Variants in DPH6 observed in about 807,000 individuals in gnomAD.
DPH6 encodes the protein diphthamine biosynthesis 6, also known as diphthine--ammonia ligase.
In DPH6, 33 loss-of-function variants were observed where a neutral mutation model predicts 38.2. That is an observed-to-expected ratio of 0.86 (90% CI 0.65 to 1.15). DPH6 has a LOEUF of 1.15. DPH6 is among the 50% of genes most tolerant of loss of function. The pLI, the probability that DPH6 is intolerant of heterozygous loss-of-function variation, is 0.00. For synonymous variants in DPH6, 108 were observed against 103.0 expected, an observed-to-expected ratio of 1.05 and a Z score of -0.30; for missense variants, 325 against 320.0, an observed-to-expected ratio of 1.02 and a Z score of -0.12.
At chr15:35,395,508 G>A (rs1328151296) in intron 6 of DPH6, among the ~76,000 whole-genome samples, 1 of 152,098 alleles carries the variant, frequency 6.6e-6, no homozygotes, top group Non-Finnish European at 1.5e-5. Context: ...TATTCTTACT[G>A]ATCTACCAAC....
intron 3 of DPH6, among the ~76,000 whole-genome samples, chr15:35,508,241 G>C (rs1222139225): frequency 6.6e-6 from 1 of 152,050 alleles, no homozygotes; most frequent in East Asian, 1.9e-4. Context: ...AAGGCCTTCA[G>C]AGCCTTCCTT....
chr15:35,392,541 C>T (rs1042064245), intron 6 of DPH6, among the ~76,000 whole-genome samples: 1 of 152,002 alleles, frequency 6.6e-6, no homozygotes, highest in Non-Finnish European at 1.5e-5. Context: ...ATTCATAACA[C>T]TTATTAAGGA....
intron 3 of DPH6, among the ~76,000 whole-genome samples, chr15:35,250,045 G>A (rs1421700629): frequency 6.6e-6 from 1 of 151,748 alleles, no homozygotes; most frequent in African/African-American, 2.4e-5. Flanking sequence ...CTACAGGGTG[G>A]TGGGCACCTG....
intron 3 of DPH6, among the ~76,000 whole-genome samples, chr15:35,476,728 G>A (rs1036353472): frequency 6.6e-6 from 1 of 151,684 alleles, no homozygotes; most frequent in Non-Finnish European, 1.5e-5. Context: ...TGATTAATTA[G>A]GTGCAAGACA....
chr15:35,149,512 C>T, the DPH6 span, among the ~76,000 whole-genome samples: 94,373 of 151,960 alleles, frequency 0.62, 29,684 homozygotes, highest in Middle Eastern at 0.7. Context: ...GCTGGGATTA[C>T]AGGCGTGAGC....
At chr15:35,366,719 A>T (rs1482604311), downstream of DPH6, among the ~76,000 whole-genome samples, 1 of 151,914 alleles carries the variant, frequency 6.6e-6, no homozygotes, top group Non-Finnish European at 1.5e-5. Context: ...ATCATAACTC[A>T]CACATCACCA....
intron 3 of DPH6, among the ~76,000 whole-genome samples, chr15:35,296,368 A>G (rs2052014794): frequency 6.6e-6 from 1 of 152,174 alleles, no homozygotes; most frequent in Non-Finnish European, 1.5e-5. Context: ...TTTAAAGCCT[A>G]CTTATTCTAG....
At chr15:35,165,083 T>C in the DPH6 span, among the ~76,000 whole-genome samples, 1 of 151,862 alleles carries the variant, frequency 6.6e-6, no homozygotes, top group Admixed American at 6.6e-5. Context: ...ATGTTAAGAA[T>C]TGCTCTACTG....
At chr15:35,464,489 C>T (rs2054104652) in intron 3 of DPH6, among the ~76,000 whole-genome samples, 1 of 152,098 alleles carries the variant, frequency 6.6e-6, no homozygotes, top group Non-Finnish European at 1.5e-5. Flanking sequence ...TAGCAGATAA[C>T]AGCTCCTACT....
downstream of DPH6, among the ~76,000 whole-genome samples, chr15:35,367,405 T>C (rs2052670438): frequency 6.6e-6 from 1 of 151,856 alleles, no homozygotes; most frequent in Admixed American, 6.6e-5. Context: ...TTCTGAGTAG[T>C]TGCAAGTAAA....
intron 3 of DPH6, among the ~76,000 whole-genome samples, chr15:35,524,397 T>C (rs1368166267): frequency 6.6e-6 from 1 of 152,152 alleles, no homozygotes; most frequent in East Asian, 1.9e-4. Flanking sequence ...ACAGATCACT[T>C]TGATCCCTGA....
chr15:35,177,804 T>G, the DPH6 span, among the ~76,000 whole-genome samples: 1 of 151,850 alleles, frequency 6.6e-6, no homozygotes, highest in South Asian at 2.1e-4. Flanking sequence ...TAGCTGGACA[T>G]GGTGGCACAT....
At chr15:35,428,086 G>A (rs945574686) in intron 5 of DPH6, among the ~76,000 whole-genome samples, 9 of 151,812 alleles carry the variant, frequency 5.9e-5, no homozygotes, top group African/African-American at 9.7e-5. Context: ...AAATAGAATC[G>A]GAAAGCCACA....
At chr15:35,164,338 T>C in the DPH6 span, among the ~76,000 whole-genome samples, 2 of 151,930 alleles carry the variant, frequency 1.3e-5, no homozygotes, top group Non-Finnish European at 2.9e-5. Flanking sequence ...TGTTGCTTAA[T>C]TGCTTGCATA....
chr15:35,263,570 CT>C (rs1002598999), intron 3 of DPH6, among the ~76,000 whole-genome samples: 6 of 151,312 alleles, frequency 4.0e-5, no homozygotes, highest in Non-Finnish European at 8.8e-5. Flanking sequence ...ACTTGTCTAA[CT>C]TTTTATTTTT....
intron 3 of DPH6, among the ~76,000 whole-genome samples, chr15:35,266,949 TA>T (rs962104871): frequency 9.9e-5 from 15 of 151,840 alleles, no homozygotes; most frequent in African/African-American, 3.1e-4. Flanking sequence ...CAAAACTGAG[TA>T]AAATAATAAT....
At chr15:35,157,149 C>T in the DPH6 span, among the ~76,000 whole-genome samples, 2 of 152,022 alleles carry the variant, frequency 1.3e-5, no homozygotes, top group Non-Finnish European at 2.9e-5. Context: ...GGAATGATTC[C>T]GATCATCTTC....
the DPH6 span, among the ~76,000 whole-genome samples, chr15:35,149,363 G>A: frequency 6.6e-6 from 1 of 151,972 alleles, no homozygotes; most frequent in Non-Finnish European, 1.5e-5. Context: ...TCAGCCTCCC[G>A]AGTAGCTGGG....
chr15:35,324,403 A>T (rs1311876862), intron 3 of DPH6, among the ~76,000 whole-genome samples: 1 of 152,176 alleles, frequency 6.6e-6, no homozygotes, highest in African/African-American at 2.4e-5. Context: ...CAACAAAAAT[A>T]AGATGAAGAA....
Sources: allele counts gnomAD v4.1 joint callset (sites outside exome capture counted in the v4.1 genomes callset), GRCh38; gene constraint gnomAD v4.1.1; transcripts MANE v1.5; gene names NCBI Gene and HGNC (gene_info 2026-07-23, HGNC 2026-07-21).